The following RFTN2 variants were observed in gnomAD, a reference collection of about 807,000 sequenced individuals.
The protein encoded by RFTN2 is raftlin-2.
Under a neutral mutation model 52.7 loss-of-function variants are expected in RFTN2, and 34 were observed. The ratio of observed to expected loss-of-function variants is 0.64; its 90% confidence interval spans 0.49 to 0.86. RFTN2 has a LOEUF of 0.86. Ranked by LOEUF, RFTN2 falls within the 40% of genes least tolerant of loss-of-function variation. The pLI, the probability that RFTN2 is intolerant of heterozygous loss-of-function variation, is 0.00. For synonymous variants in RFTN2, 203 were observed against 217.7 expected, an observed-to-expected ratio of 0.93 and a Z score of 0.59; for missense variants, 536 against 600.1, an observed-to-expected ratio of 0.89 and a Z score of 1.12.
Position 197,586,229 on chromosome 2 carries a change from C to T in RFTN2, c.1233+9762G>A, listed in dbSNP as rs182263615. 3.3e-5 allele frequency among the ~76,000 whole-genome samples: 5 copies of T among 152,282 alleles called. 1 individual carries two copies. In the East Asian group the frequency reaches 9.6e-4, roughly 29 times the overall value. On this transcript the variant is annotated intron_variant, in intron 8 of 8. Coordinates refer to ENST00000295049, the MANE Select transcript of RFTN2 (RefSeq NM_144629.3). Reference sequence around the variant, plus strand: ...GGCCCTCTTCTTGTTTACTTATACCCAGCCCCATAAATAACAGTGAAAAGT... The same window carrying T: ...GGCCCTCTTCTTGTTTACTTATACCTAGCCCCATAAATAACAGTGAAAAGT...
intron 5 of RFTN2, among the ~76,000 whole-genome samples, chr2:197,619,106 C>G (rs541075038): frequency 3.3e-5 from 5 of 151,006 alleles, no homozygotes; most frequent in East Asian, 2.0e-4. Flanking sequence ...CCCCTCTGCC[C>G]GGCCAGCCGC....
intron 1 of RFTN2, among the ~76,000 whole-genome samples, chr2:197,662,580 A>G (rs925548953): frequency 2.6e-5 from 4 of 151,384 alleles, no homozygotes; most frequent in Non-Finnish European, 5.9e-5. Context: ...TTTTTTGGCT[A>G]TTCTGACTCT....
intron 7 of RFTN2, among the ~76,000 whole-genome samples, chr2:197,598,699 T>A (rs1283656491): frequency 1.3e-5 from 2 of 152,142 alleles, no homozygotes; most frequent in Non-Finnish European, 1.5e-5. Flanking sequence ...TCTTTTGGAA[T>A]CTCCATTTCA....
At chr2:197,636,094 T>C (rs1253907033) in intron 3 of RFTN2, among the ~76,000 whole-genome samples, 2 of 151,824 alleles carry the variant, frequency 1.3e-5, no homozygotes, top group African/African-American at 4.8e-5. Flanking sequence ...TCCATTGATC[T>C]ATATCTCTTG....
At chr2:197,592,203 T>A (rs4850800) in intron 8 of RFTN2, among the ~76,000 whole-genome samples, 6,046 of 150,934 alleles carry the variant, frequency 0.04, 378 homozygotes, top group African/African-American at 0.14. Flanking sequence ...AAGAGAAAAA[T>A]TTTTTTTTTG....
intron 1 of RFTN2, among the ~76,000 whole-genome samples, chr2:197,662,208 C>A (rs937736325): frequency 6.6e-6 from 1 of 151,886 alleles, no homozygotes; most frequent in African/African-American, 2.4e-5. Context: ...CTTTCCTAGG[C>A]CAATGTCCTG....
chr2:197,588,939 T>C (rs888144175), intron 8 of RFTN2, among the ~76,000 whole-genome samples: 8 of 152,116 alleles, frequency 5.3e-5, no homozygotes, highest in African/African-American at 1.9e-4. Flanking sequence ...GTTTTAAAAA[T>C]GGGGCCAGGC....
intron 1 of RFTN2, among the ~76,000 whole-genome samples, chr2:197,669,246 ATGCTACATTCCTACCATT>A (rs1224283846): frequency 7.9e-5 from 12 of 152,302 alleles, no homozygotes; most frequent in African/African-American, 2.9e-4. Context: ...TCTTCTTAAT[ATGCTACATTCCTACCATT>A]CTGTTTTATT....
chr2:197,642,947 C>G (rs2088695755), intron 3 of RFTN2, among the ~76,000 whole-genome samples: 1 of 152,100 alleles, frequency 6.6e-6, no homozygotes, highest in African/African-American at 2.4e-5. Flanking sequence ...CCACTATACT[C>G]CAGCCTATTT....
chr2:197,640,421 C>G (rs528588151), intron 3 of RFTN2, among the ~76,000 whole-genome samples: 3,178 of 112,910 alleles, frequency 0.028, 37 homozygotes, highest in African/African-American at 0.078. Flanking sequence ...AGCCAGGTGC[C>G]GGATATAATC....
intron 1 of RFTN2, among the ~76,000 whole-genome samples, chr2:197,650,007 CA>C (rs2106256089): frequency 6.6e-6 from 1 of 152,178 alleles, no homozygotes; most frequent in South Asian, 2.1e-4. Flanking sequence ...GGCTGCACAA[CA>C]ATATGAATGT....
chr2:197,664,656 A>C (rs991467081), intron 1 of RFTN2, among the ~76,000 whole-genome samples: 1 of 151,276 alleles, frequency 6.6e-6, no homozygotes, highest in Non-Finnish European at 1.5e-5. Context: ...GTGGTGGTAC[A>C]TGGTTGTGGT....
intron 8 of RFTN2, chr2:197,587,958 T>G (rs749326748): frequency 1.7e-5 from 8 of 469,928 alleles, no homozygotes; most frequent in African/African-American, 1.6e-4. Context: ...AGGTCATGAA[T>G]AGCTGGCCCG....
intron 3 of RFTN2, among the ~76,000 whole-genome samples, chr2:197,642,210 G>A (rs1406910290): frequency 1.3e-5 from 2 of 152,062 alleles, no homozygotes; most frequent in Non-Finnish European, 2.9e-5. Context: ...TACATACATA[G>A]TATTTAACGC....
chr2:197,590,529 T>C (rs1021452731), intron 8 of RFTN2, among the ~76,000 whole-genome samples: 7 of 152,198 alleles, frequency 4.6e-5, no homozygotes, highest in Non-Finnish European at 1.0e-4. Flanking sequence ...ATGAAATGGA[T>C]TTGTTGAACA....
chr2:197,620,154 AAC>A (rs1441216822), intron 5 of RFTN2, among the ~76,000 whole-genome samples: 1 of 152,136 alleles, frequency 6.6e-6, no homozygotes, highest in African/African-American at 2.4e-5. Context: ...AAAAGACCTA[AAC>A]ACAGAACAAT....
chr2:197,641,792 C>A (rs1397626614), intron 3 of RFTN2, among the ~76,000 whole-genome samples: 1 of 152,174 alleles, frequency 6.6e-6, no homozygotes, highest in Non-Finnish European at 1.5e-5. Flanking sequence ...TCATCTATGG[C>A]TCTTGTTCAT....
chr2:197,626,386 C>T (rs55642934), intron 5 of RFTN2, among the ~76,000 whole-genome samples: 102,609 of 151,530 alleles, frequency 0.68, 35,045 homozygotes, highest in Middle Eastern at 0.86. Flanking sequence ...GGCAGCAAAG[C>T]GAGACCATGT....
At chr2:197,654,997 A>G (rs1381866074) in intron 1 of RFTN2, among the ~76,000 whole-genome samples, 1 of 152,176 alleles carries the variant, frequency 6.6e-6, no homozygotes, top group Non-Finnish European at 1.5e-5. Context: ...CTCTGTCTCA[A>G]AAAACAAACA....
Sources: allele counts gnomAD v4.1 joint callset (sites outside exome capture counted in the v4.1 genomes callset), GRCh38; gene constraint gnomAD v4.1.1; transcripts MANE v1.5; gene names NCBI Gene and HGNC (gene_info 2026-07-23, HGNC 2026-07-21).